GALNT13: variants seen among roughly 807,000 people sequenced by gnomAD.
The protein encoded by GALNT13 is UDP-GalNAc:polypeptide N-acetylgalactosaminyltransferase 13.
In GALNT13, 28 loss-of-function variants were observed where a neutral mutation model predicts 64.2. The ratio of observed to expected loss-of-function variants is 0.44; its 90% CI spans 0.32 to 0.60. The LOEUF is 0.60. Ranked by LOEUF, GALNT13 falls within the 20% of genes least tolerant of loss-of-function variation. The pLI is 0.05. For missense variants in GALNT13, 577 were observed against 669.8 expected (o/e 0.86, Z 1.53); for synonymous variants, 214 against 224.6 (o/e 0.95, Z 0.42).
the GALNT13 span, among the ~76,000 whole-genome samples, chr2:153,164,099 T>TA: frequency 6.6e-6 from 1 of 152,214 alleles, no homozygotes; most frequent in Non-Finnish European, 1.5e-5. Context: ...ACTTTCACTG[T>TA]ATCTGATTCA....
At chr2:153,183,596 G>A in the GALNT13 span, among the ~76,000 whole-genome samples, 1 of 152,124 alleles carries the variant, frequency 6.6e-6, no homozygotes, top group African/African-American at 2.4e-5. Flanking sequence ...GCTTTTTATA[G>A]TTTTGGGTTT....
the GALNT13 span, among the ~76,000 whole-genome samples, chr2:153,106,996 A>G: frequency 6.6e-6 from 1 of 152,126 alleles, no homozygotes; most frequent in African/African-American, 2.4e-5. Context: ...AAGGAAAGTG[A>G]AAGTAGGTAA....
chr2:153,584,658 C>T, the GALNT13 span, among the ~76,000 whole-genome samples: 2 of 152,186 alleles, frequency 1.3e-5, no homozygotes, highest in African/African-American at 4.8e-5. Context: ...CAGGAGCCAC[C>T]AACAAAGGTG....
intron 4 of GALNT13, among the ~76,000 whole-genome samples, chr2:154,170,545 C>T (rs185955721): frequency 4.1e-4 from 62 of 152,206 alleles, no homozygotes; most frequent in African/African-American, 1.4e-3. Context: ...CCAGTTTGAG[C>T]AATAAATTAC....
chr2:154,158,769 T>C (rs1160948878), intron 4 of GALNT13, among the ~76,000 whole-genome samples: 1 of 152,146 alleles, frequency 6.6e-6, no homozygotes, highest in Admixed American at 6.5e-5. Context: ...GAGGTTGCAA[T>C]TTTTTTGAAT....
intron 3 of GALNT13, among the ~76,000 whole-genome samples, chr2:154,106,291 GAGA>G (rs1280110257): frequency 1.3e-5 from 2 of 151,998 alleles, no homozygotes; most frequent in African/African-American, 2.4e-5. Flanking sequence ...CTTACTTTTT[GAGA>G]AGATTTTTAG....
the GALNT13 span, among the ~76,000 whole-genome samples, chr2:153,256,344 C>T: frequency 1.7e-4 from 26 of 152,224 alleles, no homozygotes; most frequent in African/African-American, 4.1e-4. Context: ...TTCTCTGTAT[C>T]GGTTAGTCTA....
At chr2:154,078,737 A>G (rs1701116994) in intron 3 of GALNT13, among the ~76,000 whole-genome samples, 1 of 151,642 alleles carries the variant, frequency 6.6e-6, no homozygotes, top group African/African-American at 2.4e-5. Context: ...AATAAATGAT[A>G]GAGAATTAAT....
intron 3 of GALNT13, among the ~76,000 whole-genome samples, chr2:153,960,696 GCTT>G (rs1167295710): frequency 6.6e-6 from 1 of 152,164 alleles, no homozygotes; most frequent in Non-Finnish European, 1.5e-5. Context: ...CTGAGTGAAA[GCTT>G]CTTTTTACCT....
intron 3 of GALNT13, among the ~76,000 whole-genome samples, chr2:154,070,919 GA>G (rs527665873): frequency 4.6e-4 from 59 of 127,782 alleles, no homozygotes; most frequent in East Asian, 9.0e-4. Flanking sequence ...TGTTTCAAAA[GA>G]AAAAAAAAAA....
Position 154,236,028 on chromosome 2 carries a change from A to G in GALNT13, c.312-6002A>G, listed in dbSNP as rs534422742. ...TAGATCAGCTGGATTTATTTTTTAT[A>G]TATTTATAAATCAACAGCTAATAGA... On this transcript the variant is annotated intron_variant, in intron 4 of 12. Transcript: ENST00000392825. 3.1e-5 allele frequency: 38 copies of G among 1,219,194 alleles called. No individual in the cohort carries two copies. In the Admixed American group the frequency reaches 4.0e-4, roughly 13 times the overall value. The allele number at this position is 1,219,194 out of a possible 1,614,324, so 75.5% of individuals were successfully genotyped here.
chr2:153,950,884 A>G (rs945128113), intron 3 of GALNT13, among the ~76,000 whole-genome samples: 1 of 152,124 alleles, frequency 6.6e-6, no homozygotes, highest in Non-Finnish European at 1.5e-5. Context: ...CAATATATCC[A>G]TGTAACAAAC....
chr2:153,425,546 T>C, the GALNT13 span, among the ~76,000 whole-genome samples: 1 of 151,780 alleles, frequency 6.6e-6, no homozygotes, highest in Non-Finnish European at 1.5e-5. Flanking sequence ...AATATTAAAA[T>C]GTTTACTTAT....
the GALNT13 span, among the ~76,000 whole-genome samples, chr2:153,816,811 C>T: frequency 1.3e-5 from 2 of 152,038 alleles, no homozygotes; most frequent in African/African-American, 2.4e-5. Flanking sequence ...TAAAAGTATC[C>T]ACAGTAAATA....
At chr2:154,325,649 G>A (rs1694838982) in intron 9 of GALNT13, among the ~76,000 whole-genome samples, 1 of 151,704 alleles carries the variant, frequency 6.6e-6, no homozygotes, top group South Asian at 2.1e-4. Context: ...ATACTTTGAT[G>A]GGGTACGTGT....
At chr2:153,617,626 G>T in the GALNT13 span, among the ~76,000 whole-genome samples, 1 of 151,770 alleles carries the variant, frequency 6.6e-6, no homozygotes, top group Non-Finnish European at 1.5e-5. Flanking sequence ...GTTTGGGTAG[G>T]ATAGCTATTA....
chr2:153,864,022 C>A, the GALNT13 span, among the ~76,000 whole-genome samples: 6 of 152,212 alleles, frequency 3.9e-5, no homozygotes, highest in Non-Finnish European at 8.8e-5. Flanking sequence ...AATGCCAATA[C>A]TTTTCCACAT....
chr2:154,092,909 C>A (rs1306423303), intron 3 of GALNT13, among the ~76,000 whole-genome samples: 1 of 151,970 alleles, frequency 6.6e-6, no homozygotes, highest in African/African-American at 2.4e-5. Flanking sequence ...AAAAATGACT[C>A]TAGATTCTGT....
intron 3 of GALNT13, among the ~76,000 whole-genome samples, chr2:153,953,265 G>A (rs992878047): frequency 1.3e-5 from 2 of 151,952 alleles, no homozygotes; most frequent in Non-Finnish European, 2.9e-5. Flanking sequence ...TGAAAAAAGG[G>A]AAATAGCAAA....
Sources: allele counts gnomAD v4.1 joint callset (sites outside exome capture counted in the v4.1 genomes callset), GRCh38; gene constraint gnomAD v4.1.1; transcripts MANE v1.5; gene names NCBI Gene and HGNC (gene_info 2026-07-23, HGNC 2026-07-21).